Variants in PKHD1L1 observed in about 807,000 individuals in gnomAD.
The protein encoded by PKHD1L1 is PKHD1 like 1, also known as fibrocystin-L.
A neutral mutation model predicts 462.9 loss-of-function variants in PKHD1L1; 434 were observed. The ratio of observed to expected loss-of-function variants is 0.94; its 90% CI spans 0.87 to 1.02. The LOEUF (loss-of-function observed/expected upper bound fraction) is 1.02, where lower values mean the gene tolerates loss of function less well. Ranked by LOEUF, PKHD1L1 falls within the 50% of genes least tolerant of loss-of-function variation. PKHD1L1 has a pLI of 0.00. For synonymous variants in PKHD1L1, 1,781 were observed against 1,750.0 expected (o/e 1.02, Z -0.44); for missense variants, 5,202 against 5,096.1 (o/e 1.02, Z -0.63).
At chr8:109,526,757 A>C (rs1820834646) in intron 76 of PKHD1L1, 27 bp from the exon 77 acceptor site, 5 of 1,520,850 alleles carry the variant, frequency 3.3e-6, no homozygotes, top group Non-Finnish European at 4.5e-6. Context: ...AAAGGAAATC[A>C]AACACTATGA....
intron 50 of PKHD1L1, among the ~76,000 whole-genome samples, chr8:109,474,158 T>A (rs1817864712): frequency 6.6e-6 from 1 of 152,200 alleles, no homozygotes; most frequent in East Asian, 1.9e-4. Context: ...TAGAAAATCA[T>A]GAATTTTTTC....
intron 46 of PKHD1L1, among the ~76,000 whole-genome samples, chr8:109,458,582 C>G (rs530786092): frequency 6.6e-6 from 1 of 152,076 alleles, no homozygotes; most frequent in Non-Finnish European, 1.5e-5. Flanking sequence ...GAGCTTTATG[C>G]AGAGTGTATT....
intron 56 of PKHD1L1, among the ~76,000 whole-genome samples, chr8:109,482,405 C>T (rs1308458811): frequency 6.6e-6 from 1 of 151,698 alleles, no homozygotes; most frequent in African/African-American, 2.4e-5. Flanking sequence ...GTAAAGAATA[C>T]ACATCTTTCT....
rs1201814386 is a variant in PKHD1L1 at position 109,532,382 on chromosome 8, T to C, written c.*2292T>C. Among the ~76,000 whole-genome samples, 1 of 152,202 alleles carries C rather than the reference T, an allele frequency of 6.6e-6. No individual in the cohort carries two copies. Among genetic ancestry groups the C allele is most frequent in the Non-Finnish European group, 1.5e-5 (1 of 68,032 alleles). Reference sequence around the variant, plus strand: ...ATTACTACTTTTAAAAATGCTTGAATTATTGGAATCCATGGGCAATACATC... The same window carrying C: ...ATTACTACTTTTAAAAATGCTTGAACTATTGGAATCCATGGGCAATACATC... On this transcript the variant is annotated 3_prime_UTR_variant, in exon 78 of 78. Coordinates refer to ENST00000378402, the MANE Select transcript of PKHD1L1 (RefSeq NM_177531.6).
In PKHD1L1 at chr8:109,522,840, C is replaced by G; in HGVS notation, c.12280C>G (p.Pro4094Ala). The stretch of plus-strand genomic sequence containing the variant: ...GATCACTCAGCCGGTGGCAGCACAG[C>G]CAGGACAGCCATTTCCTCAGCAGCC... ...LVITQPVAAQ[P>A]GQPFPQQPSV... Residue 4094 changes from proline to alanine, a missense_variant, in exon 75 of 78, where the codon CCA (proline) becomes GCA (alanine). Pro to Ala is a conservative substitution (Grantham distance 27). Coordinates refer to ENST00000378402, the MANE Select transcript of PKHD1L1 (RefSeq NM_177531.6). 6.2e-7 allele frequency: 1 copy of G among 1,611,702 alleles called. No individual in the cohort carries two copies. The highest frequency in any genetic ancestry group is 8.5e-7 in the Non-Finnish European group (1 of 1,179,096).
chr8:109,413,541 A>G lies in PKHD1L1; in HGVS notation c.2356A>G (p.Asn786Asp). The G allele has an allele frequency of 6.6e-7, 1 of 1,523,712 alleles. No homozygotes were observed. The highest frequency in any genetic ancestry group is 8.8e-7 in the Non-Finnish European group (1 of 1,134,780). 94.4% of individuals were successfully genotyped at this position (1,523,712 alleles called of 1,614,324 possible). Residue 786 changes from asparagine to aspartate, a missense_variant, in exon 21 of 78, where the codon AAC becomes GAC. Physicochemically the swap from Asn to Asp is conservative, Grantham distance 23. Transcript: ENST00000378402. ...TQFTYNFAYG[N>D]NWTYTCIDLL... ...GTTTACATACAACTTTGCTTATGGAAACAAGTAAGTTACGCTATGAATTTG... is the reference window on the plus strand; with the variant it reads ...GTTTACATACAACTTTGCTTATGGAGACAAGTAAGTTACGCTATGAATTTG...
chr8:109,440,425 G>A (rs1002746514), intron 32 of PKHD1L1, among the ~76,000 whole-genome samples: 6 of 152,008 alleles, frequency 3.9e-5, no homozygotes, highest in Non-Finnish European at 8.8e-5. Context: ...TGTGACCTCA[G>A]TTCTCATAAG....
Position 109,448,125 on chromosome 8 carries a change from G to A in PKHD1L1, c.5777-18G>A, listed in dbSNP as rs748460630. 4.7e-6 allele frequency: 7 copies of A among 1,489,766 alleles called. No individual in the cohort carries two copies. Among genetic ancestry groups the A allele is most frequent in the South Asian group, 3.6e-5 (3 of 82,560 alleles). 92.3% of individuals were successfully genotyped at this position (1,489,766 alleles called of 1,614,324 possible). ...ATAGTTAGATATATTTATATTGTGT[G>A]CTTTTTTTTTTTTTAAGGTCCACCA... is the stretch of plus-strand genomic sequence containing the variant. On this transcript the variant is annotated intron_variant, in intron 38 of 77. Transcript: ENST00000378402.
chr8:109,392,470 G>A (rs1812757246), intron 9 of PKHD1L1, among the ~76,000 whole-genome samples: 1 of 152,026 alleles, frequency 6.6e-6, no homozygotes, highest in Non-Finnish European at 1.5e-5. Flanking sequence ...TGTTGATTCT[G>A]TGGACTCAAT....
chr8:109,395,337 T>C (rs1054787136), intron 10 of PKHD1L1, among the ~76,000 whole-genome samples: 1 of 152,022 alleles, frequency 6.6e-6, no homozygotes, highest in Non-Finnish European at 1.5e-5. Flanking sequence ...CCTGAGAAAA[T>C]TGTACGTCAT....
Position 109,466,828 on chromosome 8 carries a change from C to T in PKHD1L1, c.8605+59C>T, listed in dbSNP as rs1031017995. ...TAAATATATCTTCCTAAACTTTTGTCATCATCTTCTTGCATTGTTACTTGG... is the reference window on the plus strand; with the variant it reads ...TAAATATATCTTCCTAAACTTTTGTTATCATCTTCTTGCATTGTTACTTGG... On this transcript the variant is annotated intron_variant, in intron 50 of 77. Coordinates refer to ENST00000378402, the MANE Select transcript of PKHD1L1 (RefSeq NM_177531.6). 8.3e-6 allele frequency: 12 copies of T among 1,445,696 alleles called. No individual in the cohort carries two copies. In the Admixed American group the frequency reaches 2.6e-4, roughly 32 times the overall value. The allele number at this position is 1,445,696 out of a possible 1,614,324, so 89.6% of individuals were successfully genotyped here.
intron 67 of PKHD1L1, among the ~76,000 whole-genome samples, chr8:109,501,781 C>T (rs2130955433): frequency 6.6e-6 from 1 of 152,266 alleles, no homozygotes; most frequent in African/African-American, 2.4e-5. Flanking sequence ...ACAAATCATC[C>T]TGCCCATTTG....
intron 2 of PKHD1L1, among the ~76,000 whole-genome samples, chr8:109,378,401 A>G (rs1200672042): frequency 6.6e-6 from 1 of 152,066 alleles, no homozygotes; most frequent in East Asian, 1.9e-4. Context: ...CTCCTCTCCT[A>G]CCATTTCTCT....
intron 19 of PKHD1L1, among the ~76,000 whole-genome samples, chr8:109,410,460 G>T (rs1385348056): frequency 6.6e-6 from 1 of 151,954 alleles, no homozygotes; most frequent in East Asian, 1.9e-4. Flanking sequence ...CACTTGGCTT[G>T]GTGAAGAGCA....
At chr8:109,416,032 A>G (rs1189209791) in intron 21 of PKHD1L1, among the ~76,000 whole-genome samples, 1 of 152,142 alleles carries the variant, frequency 6.6e-6, no homozygotes, top group Non-Finnish European at 1.5e-5. Context: ...ATCAATGGAT[A>G]AAGTGAGGGC....
chr8:109,396,839 T>C (rs1813005323), intron 11 of PKHD1L1, among the ~76,000 whole-genome samples: 1 of 152,228 alleles, frequency 6.6e-6, no homozygotes, highest in Admixed American at 6.5e-5. Flanking sequence ...GCATATGCAT[T>C]TCCACAGTCC....
chr8:109,448,680 T>A (rs915231235), intron 39 of PKHD1L1, among the ~76,000 whole-genome samples: 1 of 151,360 alleles, frequency 6.6e-6, no homozygotes, highest in South Asian at 2.1e-4. Context: ...CCTGGCTAAT[T>A]TTTTTTTGTA....
rs371676711 is a variant in PKHD1L1, at chr8:109,507,758, G to A, written c.11090G>A (p.Gly3697Asp). 11 of 1,613,304 alleles carry A rather than the reference G, an allele frequency of 6.8e-6. No homozygotes were observed. Among genetic ancestry groups the A allele is most frequent in the Non-Finnish European group, 7.6e-6 (9 of 1,179,666 alleles). ...DIDGSFLGNA[G>D]SVIPQAEYEW... ...GATGGCTCCTTTCTGGGGAATGCTG[G>A]TTCTGTGATACCTCAAGCAGAATAT... is the stretch of plus-strand genomic sequence containing the variant. The change falls in exon 69 of 78, where the codon GGT becomes GAT. Residue 3697 changes from glycine (G) to aspartate (D), a missense_variant. Physicochemically the swap from Gly to Asp is moderately conservative, Grantham distance 94. Coordinates refer to ENST00000378402, the MANE Select transcript of PKHD1L1 (RefSeq NM_177531.6).
At chr8:109,425,932 T>C (rs1421929052) in intron 24 of PKHD1L1, among the ~76,000 whole-genome samples, 1 of 152,110 alleles carries the variant, frequency 6.6e-6, no homozygotes, top group Non-Finnish European at 1.5e-5. Flanking sequence ...CTTTCTAAAA[T>C]ATAGCTACCA....
Sources: allele counts gnomAD v4.1 joint callset (sites outside exome capture counted in the v4.1 genomes callset), GRCh38; gene constraint gnomAD v4.1.1; transcripts MANE v1.5; gene names NCBI Gene and HGNC (gene_info 2026-07-23, HGNC 2026-07-21).